Variants in VIL1 observed in about 807,000 individuals in gnomAD.
VIL1 encodes villin-1.
VIL1 carries 86 observed loss-of-function variants against 104.0 expected under a neutral mutation model. The ratio of observed to expected loss-of-function variants is 0.83; its 90% CI spans 0.69 to 0.99. VIL1 has a LOEUF of 0.99. VIL1 is among the 50% of genes least tolerant of loss of function. The probability of loss-of-function intolerance (pLI) is 0.00; values close to 1 mark genes in which losing one functional copy is unlikely to be tolerated. For synonymous variants in VIL1, 394 were observed against 412.6 expected, an observed-to-expected ratio of 0.95 and a Z score of 0.55; for missense variants, 944 against 1,054.1, an observed-to-expected ratio of 0.90 and a Z score of 1.45.
chr2:218,441,104 C>T (rs1689276799), intron 19 of VIL1, among the ~76,000 whole-genome samples: 1 of 152,016 alleles, frequency 6.6e-6, no homozygotes, highest in Non-Finnish European at 1.5e-5. Context: ...GTATTACAAA[C>T]AGGGCCGGGT....
intron 19 of VIL1, among the ~76,000 whole-genome samples, chr2:218,446,858 A>G (rs1689039880): frequency 1.4e-5 from 2 of 147,704 alleles, no homozygotes; most frequent in Non-Finnish European, 3.0e-5. Context: ...CCGCCTCCCA[A>G]GTTGAAGCAA....
intron 19 of VIL1, among the ~76,000 whole-genome samples, chr2:218,446,518 A>G (rs1195478181): frequency 6.6e-6 from 1 of 152,058 alleles, no homozygotes; most frequent in East Asian, 1.9e-4. Context: ...TACAGGTATG[A>G]GCCACTACGC....
rs779080471 is a variant in VIL1 at position 218,449,305 on chromosome 2, A to C, written c.2453A>C (p.Gln818Pro). Residue 818 changes from glutamine (Q) to proline (P), a missense_variant, in exon 20 of 20, where the codon CAA becomes CCA. Gln to Pro is a moderately conservative substitution (Grantham distance 76, BLOSUM62 -1). Coordinates refer to ENST00000248444, the MANE Select transcript of VIL1 (RefSeq NM_007127.3). ...TCTGCTCTGCCTCGATGGAAGCAAC[A>C]AAACCTCAAGAAAGAAAAAGGACTA... ...AFSALPRWKQ[Q>P]NLKKEKGLF is the part of the protein sequence containing the mutation. 11 of 1,613,816 alleles carry C rather than the reference A, an allele frequency of 6.8e-6. No homozygotes were observed. Among genetic ancestry groups the C allele is most frequent in the Non-Finnish European group, 8.5e-6 (10 of 1,179,868 alleles).
chr2:218,440,148 G>A (rs903856334), intron 18 of VIL1, among the ~76,000 whole-genome samples: 7 of 152,158 alleles, frequency 4.6e-5, no homozygotes, highest in Non-Finnish European at 1.0e-4. Flanking sequence ...GAGAGACAGG[G>A]TCATAAATAT....
chr2:218,447,624 T>TA (rs1374852790), intron 19 of VIL1, among the ~76,000 whole-genome samples: 2 of 152,098 alleles, frequency 1.3e-5, no homozygotes, highest in Admixed American at 1.3e-4. Context: ...CTGGCCCTAA[T>TA]AAAATCTCAT....
At chr2:218,422,255 C>CA (rs1688908865) in intron 1 of VIL1, among the ~76,000 whole-genome samples, 1 of 151,294 alleles carries the variant, frequency 6.6e-6, no homozygotes, top group Non-Finnish European at 1.5e-5. Context: ...AACTCTGTCC[C>CA]AAAAATAAAT....
At chr2:218,435,466 C>T in intron 15 of VIL1, 32 bp downstream of exon 15, 1 of 1,607,462 alleles carries the variant, frequency 6.2e-7, no homozygotes, top group East Asian at 2.2e-5. Context: ...CTCCAGGTTA[C>T]CAAGGTGGGG....
rs1282759361 is a variant in VIL1 at position 218,437,290 on chromosome 2, C to T, written c.2138C>T (p.Ala713Val). 6 of 1,613,886 alleles carry T rather than the reference C, an allele frequency of 3.7e-6. 1 individual carries two copies. The South Asian group carries it at 6.6e-5, about 18-fold the overall frequency. ...EPPTFTGWFLAWDPFKWSNTK... is the reference protein window; with the variant it reads ...EPPTFTGWFLVWDPFKWSNTK... ...CCCACCTTCACAGGCTGGTTCCTGG[C>T]TTGGGATCCCTTCAAGTGGAGTGTG... Residue 713 changes from alanine to valine, a missense_variant, in exon 17 of 20, where the codon GCT becomes GTT. Physicochemically the swap from Ala to Val is moderately conservative, Grantham distance 64. Transcript: ENST00000248444.
intron 19 of VIL1, among the ~76,000 whole-genome samples, chr2:218,444,120 C>A (rs1301482584): frequency 1.3e-5 from 2 of 152,114 alleles, no homozygotes; most frequent in South Asian, 2.1e-4. Context: ...CGTGCGCCAC[C>A]ATACCCGGCT....
chr2:218,436,438 C>A (rs1284226054), intron 15 of VIL1, 44 bp from the exon 16 acceptor site: 2 of 1,592,212 alleles, frequency 1.3e-6, no homozygotes, highest in Non-Finnish European at 8.6e-7. Context: ...TCTCCTTTTG[C>A]CACACCTTCC....
chr2:218,452,815 C>T lies in VIL1; in HGVS notation c.*3479C>T, dbSNP rs888733716. On this transcript the variant is annotated 3_prime_UTR_variant, in exon 20 of 20. Coordinates refer to ENST00000248444, the MANE Select transcript of VIL1 (RefSeq NM_007127.3). ...CTTTCCCAATAATTTTTAACAGTGC[C>T]TCTCAAATGCAAAGACACGTAAAAG... 1.3e-5 allele frequency: 2 copies of T among 152,108 alleles called. No individual in the cohort carries two copies. The highest frequency in any genetic ancestry group is 2.4e-5 in the African/African-American group (1 of 41,400). 9.4% of individuals were successfully genotyped at this position (152,108 alleles called of 1,614,324 possible).
intron 19 of VIL1, among the ~76,000 whole-genome samples, chr2:218,445,114 C>T (rs929457706): frequency 6.6e-6 from 1 of 152,190 alleles, no homozygotes; most frequent in African/African-American, 2.4e-5. Flanking sequence ...AAACCAAGTA[C>T]TCAGCCGAGT....
intron 19 of VIL1, among the ~76,000 whole-genome samples, chr2:218,443,889 A>G (rs2106397388): frequency 6.6e-6 from 1 of 152,296 alleles, no homozygotes; most frequent in East Asian, 1.9e-4. Context: ...TCCTGACTTC[A>G]GGTGATCGAC....
At chr2:218,439,215 GCCA>G in intron 18 of VIL1, among the ~76,000 whole-genome samples, 1 of 152,092 alleles carries the variant, frequency 6.6e-6, no homozygotes, top group South Asian at 2.1e-4. Context: ...GCAGGCATGA[GCCA>G]CCACACCTGG....
At chr2:218,423,965 C>T in intron 2 of VIL1, 112 bp downstream of exon 2, 1 of 1,252,474 alleles carries the variant, frequency 8.0e-7, no homozygotes, top group Non-Finnish European at 1.1e-6. Flanking sequence ...CCCTGAAGCC[C>T]CTGAGAGCTC....
intron 9 of VIL1, 39 bp from the exon 10 acceptor site, chr2:218,430,686 G>C: frequency 6.5e-7 from 1 of 1,547,744 alleles, no homozygotes. Context: ...TGGGGACTAG[G>C]GGAGGTGCAT....
At chr2:218,420,222 G>A (rs1368906150) in intron 1 of VIL1, among the ~76,000 whole-genome samples, 2 of 152,110 alleles carry the variant, frequency 1.3e-5, no homozygotes, top group Non-Finnish European at 2.9e-5. Context: ...TTGAGGTCAG[G>A]ACTTCAAGAC....
rs1688938592 is a variant in VIL1 at position 218,424,138 on chromosome 2, TCTC to T, written c.76-135_76-133del. 4 of 739,026 alleles carry T rather than the reference TCTC, an allele frequency of 5.4e-6. No individual in the cohort carries two copies. In the East Asian group the frequency reaches 1.0e-4, roughly 19 times the overall value. 45.8% of individuals were successfully genotyped at this position (739,026 alleles called of 1,614,324 possible). A position where few individuals can be genotyped will look rare whatever the true frequency, so the allele number is the denominator to read the frequency against. Reference sequence around the variant, plus strand: ...CTTCTCCCGCCCCTCACAGTTTTCTTCTCCTCTCTTCCTTTTCTCTCCTTTCAT... The same window carrying T: ...CTTCTCCCGCCCCTCACAGTTTTCTTCTCTCTTCCTTTTCTCTCCTTTCAT... On this transcript the variant is annotated intron_variant, in intron 2 of 19. Transcript: ENST00000248444.
At chr2:218,449,194 T>C (rs1489707533) in intron 19 of VIL1, 29 bp from the exon 20 acceptor site, 1 of 1,556,824 alleles carries the variant, frequency 6.4e-7, no homozygotes, top group Non-Finnish European at 8.9e-7. Context: ...ATATGTGACC[T>C]TTGCCCTCTG....
Sources: allele counts gnomAD v4.1 joint callset (sites outside exome capture counted in the v4.1 genomes callset), GRCh38; gene constraint gnomAD v4.1.1; transcripts MANE v1.5; gene names NCBI Gene and HGNC (gene_info 2026-07-23, HGNC 2026-07-21).